The following FREM2 variants were observed in gnomAD, a reference collection of about 807,000 sequenced individuals.
The protein encoded by FREM2 is FRAS1 related extracellular matrix 2.
A neutral mutation model predicts 219.9 loss-of-function variants in FREM2; 119 were observed. That is an observed-to-expected ratio of 0.54 (90% CI 0.47 to 0.63). The LOEUF (loss-of-function observed/expected upper bound fraction) is 0.63. Ranked by LOEUF, FREM2 falls within the 30% of genes least tolerant of loss-of-function variation. The pLI is 0.00. For synonymous variants in FREM2, 1,562 were observed against 1,522.8 expected, an observed-to-expected ratio of 1.03 and a Z score of -0.60; for missense variants, 4,030 against 3,993.6, an observed-to-expected ratio of 1.01 and a Z score of -0.25.
chr13:38,705,639 A>G (rs1188978166), intron 2 of FREM2, among the ~76,000 whole-genome samples: 2 of 152,144 alleles, frequency 1.3e-5, no homozygotes, highest in Non-Finnish European at 2.9e-5. Context: ...AACAGTACCT[A>G]GCTAATAGGG....
At chr13:38,751,439 G>A (rs1414974175) in intron 2 of FREM2, among the ~76,000 whole-genome samples, 4 of 151,994 alleles carry the variant, frequency 2.6e-5, no homozygotes, top group Non-Finnish European at 1.5e-5. Context: ...ACCCTACAGA[G>A]CTTGACTCTT....
At position 38,711,920 on chromosome 13, in the gene FREM2, T is replaced by TC. The variant is rs777235418; in HGVS notation, c.5263+14133_5263+14134insC. Among the ~76,000 whole-genome samples the TC allele has an allele frequency of 7.6e-3, 1,079 of 141,570 alleles. 20 individuals carry two copies. The highest frequency in any genetic ancestry group is 0.012 in the Non-Finnish European group (751 of 64,478). 92.9% of individuals were successfully genotyped at this position (141,570 alleles called of 152,430 possible). ...CTCTGGGGCTGATAATTTCTTTTTT[T>TC]TTTTTTTTTTTTTTTTTTGAGGGGA... On this transcript the variant is annotated intron_variant, in intron 2 of 23. Transcript: ENST00000280481.
At chr13:38,858,713 A>G (rs2137919599) in intron 13 of FREM2, among the ~76,000 whole-genome samples, 1 of 152,316 alleles carries the variant, frequency 6.6e-6, no homozygotes, top group South Asian at 2.1e-4. Context: ...ATTTGGCGTC[A>G]AAGTATAGGG....
chr13:38,832,069 G>T (rs1264387509), intron 6 of FREM2, among the ~76,000 whole-genome samples: 1 of 151,986 alleles, frequency 6.6e-6, no homozygotes, highest in Non-Finnish European at 1.5e-5. Flanking sequence ...AATCCTACCT[G>T]TCTTGGAGGC....
intron 3 of FREM2, 40 bp from the exon 4 acceptor site, chr13:38,769,538 G>A (rs574436458): frequency 5.7e-5 from 88 of 1,535,834 alleles, no homozygotes; most frequent in Middle Eastern, 1.7e-4. Flanking sequence ...TAATCCAAGC[G>A]AAAATGAAAC....
chr13:38,822,792 A>T (rs1296619496), intron 6 of FREM2, among the ~76,000 whole-genome samples: 1 of 152,108 alleles, frequency 6.6e-6, no homozygotes, highest in Admixed American at 6.6e-5. Context: ...TTGCAGTAGA[A>T]GATGTTAGGT....
intron 6 of FREM2, among the ~76,000 whole-genome samples, chr13:38,806,984 C>T (rs1232699607): frequency 6.6e-6 from 1 of 151,060 alleles, no homozygotes; most frequent in Non-Finnish European, 1.5e-5. Context: ...TTCTCATCCA[C>T]TCAGGTTTTA....
intron 2 of FREM2, among the ~76,000 whole-genome samples, chr13:38,734,818 C>T (rs1226234727): frequency 6.9e-6 from 1 of 144,034 alleles, no homozygotes; most frequent in Non-Finnish European, 1.5e-5. Flanking sequence ...ACGATCTCAG[C>T]TCACTGCAAC....
intron 2 of FREM2, among the ~76,000 whole-genome samples, chr13:38,711,175 T>C (rs1290082592): frequency 1.3e-5 from 2 of 152,180 alleles, no homozygotes; most frequent in African/African-American, 4.8e-5. Context: ...ATCTCCCATT[T>C]CTCTGCATCA....
Position 38,764,334 on chromosome 13 carries a change from G to A in FREM2, c.5294G>A (p.Arg1765His), listed in dbSNP as rs572540483. ...GGNKLTYQNF[R>H]LNWAWISFEK... is the part of the protein sequence containing the mutation. ...AACAAGTTAACGTACCAGAATTTTC[G>A]TCTGAATTGGGCATGGATCTCCTTT... The change falls in exon 3 of 24, where the codon CGT becomes CAT. Residue 1765 changes from arginine (R) to histidine (H), a missense_variant. Arg to His is a conservative substitution (Grantham distance 29). This residue lies in a region of FREM2 where 3,102 missense variants were observed against 2,950.7 expected (regional missense o/e 1.05). Transcript: ENST00000280481. 24 of 1,611,810 alleles carry A rather than the reference G, an allele frequency of 1.5e-5. No homozygotes were observed. The highest frequency in any genetic ancestry group is 1.0e-4 in the Admixed American group (6 of 59,984).
rs78170302 is a variant in FREM2, at chr13:38,810,129, A to G, written c.6019+25321A>G. On this transcript the variant is annotated intron_variant, in intron 6 of 23. Coordinates refer to ENST00000280481, the MANE Select transcript of FREM2 (RefSeq NM_207361.6). ...TTTAAATTTCTTTTTCAGATTGTTC[A>G]ACTTGACATATAGGAATGCTATTGA... is the stretch of plus-strand genomic sequence containing the variant. Among the ~76,000 whole-genome samples, 814 of 152,048 alleles carry G rather than the reference A, an allele frequency of 5.4e-3. 37 individuals are homozygous for G. In the East Asian group the frequency reaches 0.11, roughly 20 times the overall value.
At chr13:38,872,978 T>G in intron 17 of FREM2, 44 bp downstream of exon 17, 2 of 1,566,566 alleles carry the variant, frequency 1.3e-6, no homozygotes, top group African/African-American at 2.7e-5. Context: ...TTGTAACCTA[T>G]TTAAACTATT....
At chr13:38,834,636 C>T (rs192940671) in intron 6 of FREM2, among the ~76,000 whole-genome samples, 6 of 152,240 alleles carry the variant, frequency 3.9e-5, no homozygotes, top group East Asian at 1.9e-4. Context: ...TTTTAATGAT[C>T]GCCATTCTAA....
rs71694503 is a variant in FREM2 at position 38,696,810 on chromosome 13, CT to C, written c.5174-873del. Among the ~76,000 whole-genome samples, 893 of 143,540 alleles carry C rather than the reference CT, an allele frequency of 6.2e-3. 2 individuals are homozygous for C. Among genetic ancestry groups the C allele is most frequent in the African/African-American group, 0.015 (572 of 39,222 alleles). 94.2% of individuals were successfully genotyped at this position (143,540 alleles called of 152,430 possible). A position where few individuals can be genotyped will look rare whatever the true frequency, so the allele number is the denominator to read the frequency against. ...TTTCTGCCATGAATAAAGGTTTCCA[CT>C]TTTTTTTTTTTTTTGAGACAGGGTC... is the stretch of plus-strand genomic sequence containing the variant. On this transcript the variant is annotated intron_variant, in intron 1 of 23. Transcript: ENST00000280481.
rs144380587 is a variant in FREM2 at position 38,887,116 on chromosome 13, C to T, written c.*6329C>T. The T allele has an allele frequency of 3.1e-4, 47 of 152,266 alleles. No homozygotes were observed. The highest frequency in any genetic ancestry group is 2.7e-3 in the Admixed American group (42 of 15,290). The allele number at this position is 152,266 out of a possible 1,614,324, so 9.4% of individuals were successfully genotyped here. On this transcript the variant is annotated 3_prime_UTR_variant, in exon 24 of 24. Transcript: ENST00000280481. ...TACCAAGTGTGTAATATAAATAAAGCCCATATCAATATAAATGTTCAAATG... is the reference window on the plus strand; with the variant it reads ...TACCAAGTGTGTAATATAAATAAAGTCCATATCAATATAAATGTTCAAATG...
At chr13:38,849,895 C>A in intron 8 of FREM2, 143 bp from the exon 9 acceptor site, 1 of 735,766 alleles carries the variant, frequency 1.4e-6, no homozygotes, top group Non-Finnish European at 2.4e-6. Context: ...TGCTCAAGGT[C>A]AAAATATTGG....
intron 2 of FREM2, among the ~76,000 whole-genome samples, chr13:38,708,247 A>T (rs1406440635): frequency 1.3e-5 from 2 of 152,182 alleles, no homozygotes; most frequent in African/African-American, 4.8e-5. Flanking sequence ...ATAAATATTT[A>T]TTGAGTGAAG....
At chr13:38,856,373 A>G (rs1342631335) in intron 12 of FREM2, 117 bp downstream of exon 12, 4 of 887,122 alleles carry the variant, frequency 4.5e-6, no homozygotes, top group Non-Finnish European at 7.5e-6. Context: ...CTTACGTGAA[A>G]GAGATATGCA....
At chr13:38,840,717 CAG>C (rs1876926466) in intron 6 of FREM2, among the ~76,000 whole-genome samples, 1 of 144,614 alleles carries the variant, frequency 6.9e-6, no homozygotes, top group South Asian at 2.2e-4. Flanking sequence ...CACACACACA[CAG>C]ATATATATAT....
Sources: gnomAD v4.1 joint callset for allele counts (sites outside exome capture counted in the v4.1 genomes callset) on GRCh38, gnomAD v4.1.1 for gene constraint, gnomAD v4.1.1 regional missense constraint, MANE v1.5 for transcripts, NCBI Gene and HGNC (gene_info 2026-07-23, HGNC 2026-07-21) for gene names.